Variants in CARMIL2 observed in about 807,000 individuals in gnomAD.
CARMIL2 encodes capping protein, Arp2/3 and myosin-I linker protein 2.
Under a neutral mutation model 173.3 loss-of-function variants are expected in CARMIL2, and 96 were observed. The ratio of observed to expected loss-of-function variants is 0.55; its 90% confidence interval spans 0.47 to 0.66. The LOEUF (loss-of-function observed/expected upper bound fraction) is 0.66. Ranked by LOEUF, CARMIL2 falls within the 30% of genes least tolerant of loss-of-function variation. CARMIL2 has a pLI of 0.00. For missense variants in CARMIL2, 1,771 were observed against 1,906.7 expected (o/e 0.93, Z 1.33); for synonymous variants, 830 against 817.1 (o/e 1.02, Z -0.27).
At chr16:67,650,268 TC>T in intron 22 of CARMIL2, 118 bp downstream of exon 22, 1 of 787,584 alleles carries the variant, frequency 1.3e-6, no homozygotes, top group Non-Finnish European at 2.1e-6. Flanking sequence ...AGCCCTGCTG[TC>T]CCACACAAAG....
At position 67,651,441 on chromosome 16, in the gene CARMIL2, A is replaced by G; in HGVS notation, c.2354A>G (p.His785Arg). 1 of 1,597,216 alleles carries G rather than the reference A, an allele frequency of 6.3e-7. No individual in the cohort carries two copies. Among genetic ancestry groups the G allele is most frequent in the Non-Finnish European group, 8.5e-7 (1 of 1,170,468 alleles). ...TATGAAGCTGGAAGCTCCCCAAGCC[A>G]TCACTGGCAGCTTGGGCAGAAGCTG... Reference protein sequence around the residue: ...ILYEAGSSPSHHWQLGQKLEG... With the variant: ...ILYEAGSSPSRHWQLGQKLEG... Residue 785 changes from histidine (H) to arginine (R), a missense_variant, in exon 24 of 38, where the codon CAT becomes CGT. This residue lies in a region of CARMIL2 where 817 missense variants were observed against 903.5 expected (regional missense o/e 0.90). Transcript: ENST00000334583. This position sits in a 1 kb window ranked among gnomAD's most constrained non-coding sequence, Gnocchi z 4.2.
chr16:67,649,069 C>G lies in CARMIL2; in HGVS notation c.1592-7C>G. 1.9e-6 allele frequency: 3 copies of G among 1,611,508 alleles called. No homozygotes were observed. Among genetic ancestry groups the G allele is most frequent in the Non-Finnish European group, 2.5e-6 (3 of 1,178,948 alleles). ...TTCGCCTCGTGCGTGACCCGAGTCA[C>G]CCCCAGGCTTCGGCTCAGACATGGT... On this transcript the variant is annotated splice_region_variant and splice_polypyrimidine_tract_variant and intron_variant, in intron 17 of 37. Transcript: ENST00000334583. This position sits in a 1 kb window ranked among gnomAD's most constrained non-coding sequence, Gnocchi z 6.7.
In CARMIL2 at chr16:67,649,064, A is replaced by G. The variant is rs1162908316; in HGVS notation, c.1592-12A>G. 1 of 1,610,938 alleles carries G rather than the reference A, an allele frequency of 6.2e-7. No homozygotes were observed. Among genetic ancestry groups the G allele is most frequent in the South Asian group, 1.1e-5 (1 of 90,424 alleles). Reference sequence around the variant, plus strand: ...GCAACTTCGCCTCGTGCGTGACCCGAGTCACCCCCAGGCTTCGGCTCAGAC... The same window carrying G: ...GCAACTTCGCCTCGTGCGTGACCCGGGTCACCCCCAGGCTTCGGCTCAGAC... On this transcript the variant is annotated splice_polypyrimidine_tract_variant and intron_variant, in intron 17 of 37. Transcript: ENST00000334583. This position sits in a 1 kb window ranked among gnomAD's most constrained non-coding sequence, Gnocchi z 6.7.
In CARMIL2 at chr16:67,654,201, A is replaced by T; in HGVS notation, c.3173A>T (p.Glu1058Val). 3.9e-6 allele frequency: 6 copies of T among 1,554,928 alleles called. No homozygotes were observed. Among genetic ancestry groups the T allele is most frequent in the Non-Finnish European group, 5.2e-6 (6 of 1,149,416 alleles). The change falls in exon 30 of 38, where the codon GAG becomes GTG. Residue 1058 changes from glutamate to valine, a missense_variant. This residue lies in a region of CARMIL2 where 817 missense variants were observed against 903.5 expected (regional missense o/e 0.90). Coordinates refer to ENST00000334583, the MANE Select transcript of CARMIL2 (RefSeq NM_001013838.3). ...EGNGLSARVD[E>V]GVEEFFSKRL... ...AATGGGCTCAGTGCCCGCGTGGACGAGGGCGTGGAGGAATTCTTCTCCAAA... is the reference window on the plus strand; with the variant it reads ...AATGGGCTCAGTGCCCGCGTGGACGTGGGCGTGGAGGAATTCTTCTCCAAA...
chr16:67,651,358 G>C lies in CARMIL2; in HGVS notation c.2313+43G>C, dbSNP rs1475225041. The stretch of plus-strand genomic sequence containing the variant: ...TGCTACAAGGACCCTTCCCCTCTTA[G>C]TCAGGTGTCAGCTCGCAACTGCTTT... On this transcript the variant is annotated intron_variant, in intron 23 of 37. Coordinates refer to ENST00000334583, the MANE Select transcript of CARMIL2 (RefSeq NM_001013838.3). This position sits in a 1 kb window ranked among gnomAD's most constrained non-coding sequence, Gnocchi z 4.2. 1.9e-6 allele frequency: 3 copies of C among 1,606,230 alleles called. No homozygotes were observed. In the East Asian group the frequency reaches 6.7e-5, roughly 36 times the overall value.
At position 67,656,508 on chromosome 16, in the gene CARMIL2, T is replaced by C; in HGVS notation, c.3899T>C (p.Leu1300Pro). ...CTGGGGCAGCAGTTGAATGCGGAGC[T>C]CAGGAGCCGTGGTTGGGGCCAACAG... ...KTLGQQLNAE[L>P]RSRGWGQQDG... Residue 1300 changes from leucine to proline, a missense_variant, in exon 35 of 38, where the codon CTC becomes CCC. Leu to Pro is a moderately conservative substitution (Grantham distance 98). This residue lies in a region of CARMIL2 where 817 missense variants were observed against 903.5 expected (regional missense o/e 0.90). Coordinates refer to ENST00000334583, the MANE Select transcript of CARMIL2 (RefSeq NM_001013838.3). 1 of 1,613,386 alleles carries C rather than the reference T, an allele frequency of 6.2e-7. No individual in the cohort carries two copies.
Position 67,652,151 on chromosome 16 carries a change from A to G in CARMIL2, c.2677-48A>G, listed in dbSNP as rs2052737083. The G allele has an allele frequency of 6.2e-7, 1 of 1,604,744 alleles. No individual in the cohort carries two copies. Among genetic ancestry groups the G allele is most frequent in the Admixed American group, 1.7e-5 (1 of 59,760 alleles). ...GGTCCCCTTAGTTAGCATCAATGGG[A>G]TCATGGCTGAGGCCCTACCTGCCAT... On this transcript the variant is annotated intron_variant, in intron 26 of 37. Transcript: ENST00000334583. The surrounding 1 kb of genome is among the most constrained non-coding windows in gnomAD (Gnocchi z 4.7).
Position 67,654,819 on chromosome 16 carries a change from C to G in CARMIL2, c.3624C>G (p.Ser1208=). 1 of 1,613,674 alleles carries G rather than the reference C, an allele frequency of 6.2e-7. No individual in the cohort carries two copies. Among genetic ancestry groups the G allele is most frequent in the Non-Finnish European group, 8.5e-7 (1 of 1,179,892 alleles). The part of the protein sequence containing the change: ...LERGETELAP[S]FEQRVQVMLQ... ...GGGGAGAAACAGAACTGGCTCCATCCTTTGAACAGCGGGTACAAGTAATGC... is the reference window on the plus strand; with the variant it reads ...GGGGAGAAACAGAACTGGCTCCATCGTTTGAACAGCGGGTACAAGTAATGC... The change falls in exon 32 of 38, where the codon TCC becomes TCG. Residue 1208 remains serine (S), a synonymous_variant. Coordinates refer to ENST00000334583, the MANE Select transcript of CARMIL2 (RefSeq NM_001013838.3).
Position 67,654,083 on chromosome 16 carries a change from G to A in CARMIL2, c.3121-66G>A, listed in dbSNP as rs868816803. On this transcript the variant is annotated intron_variant, in intron 29 of 37. Transcript: ENST00000334583. Reference sequence around the variant, plus strand: ...TTATTCAGTCCAGGCTGCCGGCCGGGGGGGGGGGGGGGTAGAAGCCAGAGT... The same window carrying A: ...TTATTCAGTCCAGGCTGCCGGCCGGAGGGGGGGGGGGGTAGAAGCCAGAGT... 31 of 529,138 alleles carry A rather than the reference G, an allele frequency of 5.9e-5. No individual in the cohort carries two copies. In the South Asian group the frequency reaches 1.1e-3, roughly 19 times the overall value. The allele number at this position is 529,138 out of a possible 1,614,324, so 32.8% of individuals were successfully genotyped here.
rs2052774790 is a variant in CARMIL2 at position 67,653,759 on chromosome 16, C to T, written c.3121-390C>T. Reference sequence around the variant, plus strand: ...GACGCAGCAGCCGGCGCCACTGAGCCGGCAGCAGGCCGGGTGGAGTGGGGG... The same window carrying T: ...GACGCAGCAGCCGGCGCCACTGAGCTGGCAGCAGGCCGGGTGGAGTGGGGG... On this transcript the variant is annotated intron_variant, in intron 29 of 37. Transcript: ENST00000334583. The surrounding 1 kb of genome is among the most constrained non-coding windows in gnomAD (Gnocchi z 7.4). Among the ~76,000 whole-genome samples, 1 of 141,188 alleles carries T rather than the reference C, an allele frequency of 7.1e-6. No individual in the cohort carries two copies. Among genetic ancestry groups the T allele is most frequent in the Non-Finnish European group, 1.5e-5 (1 of 65,040 alleles). 92.6% of individuals were successfully genotyped at this position (141,188 alleles called of 152,430 possible). A position where few individuals can be genotyped will look rare whatever the true frequency, so the allele number is the denominator to read the frequency against.
chr16:67,646,183 T>G lies in CARMIL2; in HGVS notation c.250-3T>G, dbSNP rs1472435480. 1 of 1,613,754 alleles carries G rather than the reference T, an allele frequency of 6.2e-7. No homozygotes were observed. Among genetic ancestry groups the G allele is most frequent in the South Asian group, 1.1e-5 (1 of 91,078 alleles). ...CCGAGGCCTAGTAGTGCCCCTTCCCTAGGTCACCTTTGAGCTGGAGTCCCT... is the reference window on the plus strand; with the variant it reads ...CCGAGGCCTAGTAGTGCCCCTTCCCGAGGTCACCTTTGAGCTGGAGTCCCT... On this transcript the variant is annotated splice_polypyrimidine_tract_variant and splice_region_variant and intron_variant, in intron 4 of 37. Coordinates refer to ENST00000334583, the MANE Select transcript of CARMIL2 (RefSeq NM_001013838.3). This position sits in a 1 kb window ranked among gnomAD's most constrained non-coding sequence, Gnocchi z 4.6.
rs1488534831 is a variant in CARMIL2 at position 67,653,669 on chromosome 16, C to G, written c.3120+415C>G. Reference sequence around the variant, plus strand: ...GGAGATGCGTGTGTGGGCTGCAAGCCCGCGGGGGCAGCGGGCACTGGCGGA... The same window carrying G: ...GGAGATGCGTGTGTGGGCTGCAAGCGCGCGGGGGCAGCGGGCACTGGCGGA... On this transcript the variant is annotated intron_variant, in intron 29 of 37. Transcript: ENST00000334583. This position sits in a 1 kb window ranked among gnomAD's most constrained non-coding sequence, Gnocchi z 7.4. 6.6e-6 allele frequency among the ~76,000 whole-genome samples: 1 copy of G among 152,132 alleles called. No homozygotes were observed. The highest frequency in any genetic ancestry group is 6.5e-5 in the Admixed American group (1 of 15,278).
chr16:67,646,211 G>T lies in CARMIL2; in HGVS notation c.275G>T (p.Arg92Leu), dbSNP rs779466818. 1.9e-6 allele frequency: 3 copies of T among 1,613,830 alleles called. No individual in the cohort carries two copies. The highest frequency in any genetic ancestry group is 2.5e-6 in the Non-Finnish European group (3 of 1,179,886). The change falls in exon 5 of 38, where the codon CGT becomes CTT. Residue 92 changes from arginine to leucine, a missense_variant. Coordinates refer to ENST00000334583, the MANE Select transcript of CARMIL2 (RefSeq NM_001013838.3). This position sits in a 1 kb window ranked among gnomAD's most constrained non-coding sequence, Gnocchi z 4.6. ...GTCACCTTTGAGCTGGAGTCCCTGC[G>T]TGAGCTGGTCCTGGAGTTTCCTGGT... ...PQVTFELESLRELVLEFPGVA... is the reference protein window; with the variant it reads ...PQVTFELESLLELVLEFPGVA...
rs1242610635 is a variant in CARMIL2, at chr16:67,654,338, C to A, written c.3228C>A (p.Ala1076=). The A allele has an allele frequency of 1.9e-6, 3 of 1,592,682 alleles. No individual in the cohort carries two copies. Among genetic ancestry groups the A allele is most frequent in the Non-Finnish European group, 1.7e-6 (2 of 1,169,684 alleles). ...KRLIQQDRLW[A]PEEDPATEGG... The stretch of plus-strand genomic sequence containing the variant: ...CTGCTGGGTGTCCCCACAGCTGGGC[C>A]CCCGAGGAGGACCCGGCCACTGAGG... Residue 1076 remains alanine, a synonymous_variant, in exon 31 of 38, where the codon GCC becomes GCA. Transcript: ENST00000334583.
At chr16:67,645,506 G>A (rs376002100) in intron 1 of CARMIL2, 34 bp from the exon 2 acceptor site, 1 of 1,540,694 alleles carries the variant, frequency 6.5e-7, no homozygotes, top group Non-Finnish European at 8.8e-7. Context: ...TCTGTGCAAG[G>A]ACTGAAGTCA....
chr16:67,651,864 G>A lies in CARMIL2; in HGVS notation c.2588+19G>A, dbSNP rs2142935365. ...GGCTCAGGTAGGCTGGATGGGGCTGGGCTGGGCAAGGCTGAGCAAAGCCAG... is the reference window on the plus strand; with the variant it reads ...GGCTCAGGTAGGCTGGATGGGGCTGAGCTGGGCAAGGCTGAGCAAAGCCAG... On this transcript the variant is annotated intron_variant, in intron 25 of 37. Transcript: ENST00000334583. This position sits in a 1 kb window ranked among gnomAD's most constrained non-coding sequence, Gnocchi z 4.2. 2 of 1,612,752 alleles carry A rather than the reference G, an allele frequency of 1.2e-6. No individual in the cohort carries two copies. Among genetic ancestry groups the A allele is most frequent in the East Asian group, 4.5e-5 (2 of 44,892 alleles).
chr16:67,657,553 TAAA>T lies in CARMIL2; in HGVS notation c.*39_*41del. On this transcript the variant is annotated 3_prime_UTR_variant, in exon 38 of 38. Transcript: ENST00000334583. This position sits in a 1 kb window ranked among gnomAD's most constrained non-coding sequence, Gnocchi z 4.5. ...CTCCTGCCGCATGAGATTATTTTATTAAAAAACTCAAAGGAAGCAGAGTGTGGA... is the reference window on the plus strand; with the variant it reads ...CTCCTGCCGCATGAGATTATTTTATTAAACTCAAAGGAAGCAGAGTGTGGA... 14 of 1,613,740 alleles carry T rather than the reference TAAA, an allele frequency of 8.7e-6. No homozygotes were observed. The highest frequency in any genetic ancestry group is 1.2e-5 in the Non-Finnish European group (14 of 1,179,744).
chr16:67,650,947 C>T (rs2052710850), intron 22 of CARMIL2: 1 of 491,272 alleles, frequency 2.0e-6, no homozygotes, highest in African/African-American at 1.9e-5. Flanking sequence ...AAAACACAGA[C>T]ATGATTTACA....
chr16:67,649,600 C>A lies in CARMIL2; in HGVS notation c.1900C>A (p.Arg634=). ...CGCCAAGTTGCTGGCCAAGGCGCTG[C>A]GGGTCAACTCGAGGCTCCGGTGGGC... ...AGAKLLAKAL[R]VNSRLRSVVW... is the part of the protein sequence containing the mutation. Residue 634 remains arginine, a synonymous_variant, in exon 20 of 38, where the codon CGG becomes AGG. Transcript: ENST00000334583. The surrounding 1 kb of genome is among the most constrained non-coding windows in gnomAD (Gnocchi z 6.7). 4.5e-6 allele frequency: 7 copies of A among 1,544,514 alleles called. No individual in the cohort carries two copies. The highest frequency in any genetic ancestry group is 6.1e-6 in the Non-Finnish European group (7 of 1,145,662).
Sources: allele counts gnomAD v4.1 joint callset (sites outside exome capture counted in the v4.1 genomes callset), GRCh38; gene constraint gnomAD v4.1.1; regional missense constraint gnomAD v4.1.1; non-coding constraint Gnocchi (gnomAD v3.1); transcripts MANE v1.5; gene names NCBI Gene and HGNC (gene_info 2026-07-23, HGNC 2026-07-21).